STPG2: variants seen among roughly 807,000 people sequenced by gnomAD.
STPG2 encodes the protein sperm tail PG-rich repeat containing 2.
In STPG2, 56 loss-of-function variants were observed where a neutral mutation model predicts 54.2. That is an observed-to-expected ratio of 1.03 (90% CI 0.83 to 1.29). The LOEUF (loss-of-function observed/expected upper bound fraction) is 1.29, where lower values mean the gene tolerates loss of function less well. STPG2 is among the 50% of genes most tolerant of loss of function. The probability of loss-of-function intolerance (pLI) is 0.00; values close to 1 mark genes in which losing one functional copy is unlikely to be tolerated. For synonymous variants in STPG2, 200 were observed against 181.8 expected (o/e 1.10, Z -0.81); for missense variants, 596 against 544.9 (o/e 1.09, Z -0.93).
At chr4:98,087,567 T>C (rs896988146) in intron 5 of STPG2, among the ~76,000 whole-genome samples, 68 of 149,676 alleles carry the variant, frequency 4.5e-4, no homozygotes, top group African/African-American at 1.3e-3. Flanking sequence ...TTTCTTTTTT[T>C]TTTTTTTTTT....
chr4:98,094,410 G>A (rs1248309798), intron 5 of STPG2, among the ~76,000 whole-genome samples: 2 of 152,064 alleles, frequency 1.3e-5, no homozygotes, highest in Non-Finnish European at 1.5e-5. Flanking sequence ...TGGCTTCAGT[G>A]ACAACCCAGC....
intron 9 of STPG2, among the ~76,000 whole-genome samples, chr4:97,739,390 G>A (rs958260405): frequency 1.1e-3 from 172 of 151,736 alleles, no homozygotes; most frequent in Middle Eastern, 3.4e-3. Flanking sequence ...AAATAGAGAC[G>A]CAAAAAACCC....
chr4:97,890,888 T>A (rs1018388355), intron 8 of STPG2, among the ~76,000 whole-genome samples: 1 of 151,890 alleles, frequency 6.6e-6, no homozygotes, highest in African/African-American at 2.4e-5. Context: ...ACAAACTATA[T>A]AAACAAATTA....
chr4:97,886,135 A>C (rs771830551), intron 8 of STPG2, among the ~76,000 whole-genome samples: 1 of 152,210 alleles, frequency 6.6e-6, no homozygotes, highest in Non-Finnish European at 1.5e-5. Context: ...AAAAAAATTT[A>C]TAGCTACATA....
intron 9 of STPG2, among the ~76,000 whole-genome samples, chr4:97,738,148 G>C (rs1359229912): frequency 6.6e-6 from 1 of 152,114 alleles, no homozygotes. Context: ...ATACTTTACA[G>C]ACAAGGAAAT....
intron 5 of STPG2, among the ~76,000 whole-genome samples, chr4:98,034,646 T>C (rs1307792058): frequency 6.6e-6 from 1 of 151,940 alleles, no homozygotes; most frequent in Non-Finnish European, 1.5e-5. Flanking sequence ...GACAAGACAA[T>C]CCTAAGCAAA....
At chr4:97,568,039 A>G (rs905726574) in intron 10 of STPG2, among the ~76,000 whole-genome samples, 1 of 152,156 alleles carries the variant, frequency 6.6e-6, no homozygotes, top group East Asian at 1.9e-4. Context: ...TGTTTTTCAT[A>G]TTAGAAACAT....
At chr4:97,734,731 A>G (rs1312694726) in intron 9 of STPG2, among the ~76,000 whole-genome samples, 2 of 152,180 alleles carry the variant, frequency 1.3e-5, no homozygotes, top group African/African-American at 4.8e-5. Flanking sequence ...CACCAAAAGA[A>G]GAGGCAGTAA....
At chr4:97,567,612 G>T (rs114130526) in intron 10 of STPG2, among the ~76,000 whole-genome samples, 2,605 of 151,848 alleles carry the variant, frequency 0.017, 68 homozygotes, top group African/African-American at 0.058. Flanking sequence ...TAGGAAATTG[G>T]TTAAATAAAC....
intron 10 of STPG2, among the ~76,000 whole-genome samples, chr4:97,624,924 T>C (rs1226190905): frequency 1.3e-5 from 2 of 152,148 alleles, no homozygotes; most frequent in Non-Finnish European, 2.9e-5. Context: ...AAAGATCAGA[T>C]AATTAAGGTT....
intron 9 of STPG2, among the ~76,000 whole-genome samples, chr4:97,771,832 G>C (rs575423844): frequency 1.3e-5 from 2 of 152,362 alleles, no homozygotes; most frequent in South Asian, 2.1e-4. Context: ...CTGGGATATG[G>C]ATGTGCAAAG....
intron 4 of STPG2, among the ~76,000 whole-genome samples, chr4:97,478,641 GTTTAGT>G (rs1485057381): frequency 6.6e-6 from 1 of 151,744 alleles, no homozygotes; most frequent in Non-Finnish European, 1.5e-5. Context: ...TTTAGTTATA[GTTTAGT>G]TTTAATGAAA....
chr4:97,898,511 T>C (rs897091085), intron 8 of STPG2, among the ~76,000 whole-genome samples: 1 of 151,696 alleles, frequency 6.6e-6, no homozygotes, highest in Non-Finnish European at 1.5e-5. Flanking sequence ...TGTATAAATG[T>C]CAAAGGTATG....
At chr4:97,719,912 TAA>T (rs1724397957) in intron 9 of STPG2, among the ~76,000 whole-genome samples, 1 of 152,010 alleles carries the variant, frequency 6.6e-6, no homozygotes, top group Admixed American at 6.6e-5. Context: ...TAAATATTTG[TAA>T]ACATGTTAGA....
chr4:97,717,065 T>C (rs1441510377), intron 9 of STPG2, among the ~76,000 whole-genome samples: 3 of 152,086 alleles, frequency 2.0e-5, no homozygotes, highest in African/African-American at 7.2e-5. Flanking sequence ...TCATCATCAA[T>C]GCCAGAGACA....
rs954013893 is a variant in STPG2 at position 97,603,424 on chromosome 4, A to C, written c.1321-44307T>G. Among the ~76,000 whole-genome samples the C allele has an allele frequency of 4.0e-5, 6 of 151,742 alleles. 1 individual carries two copies. Among genetic ancestry groups the C allele is most frequent in the Admixed American group, 6.6e-5 (1 of 15,200 alleles). The stretch of plus-strand genomic sequence containing the variant: ...TATGGCTGTTACTTAAAAAATTAAA[A>C]ATAGAATTACCATAAGATCAAGCAA... On this transcript the variant is annotated intron_variant, in intron 10 of 10. Coordinates refer to ENST00000295268, the MANE Select transcript of STPG2 (RefSeq NM_174952.3).
chr4:97,815,964 G>T (rs541358815), intron 9 of STPG2, among the ~76,000 whole-genome samples: 29 of 152,130 alleles, frequency 1.9e-4, no homozygotes, highest in African/African-American at 6.5e-4. Context: ...ATGTGCCATG[G>T]TGGTTTGTTG....
intron 8 of STPG2, among the ~76,000 whole-genome samples, chr4:97,869,312 G>GA (rs1397864954): frequency 1.3e-5 from 2 of 151,376 alleles, no homozygotes; most frequent in African/African-American, 4.8e-5. Context: ...ATTTATTAAT[G>GA]AAAAAACTAA....
At chr4:98,108,928 T>C (rs1444089607) in intron 4 of STPG2, among the ~76,000 whole-genome samples, 2 of 152,072 alleles carry the variant, frequency 1.3e-5, no homozygotes, top group Admixed American at 6.6e-5. Context: ...ATACCTAATA[T>C]AGATGATGGG....
Sources: gnomAD v4.1 joint callset for allele counts (sites outside exome capture counted in the v4.1 genomes callset) on GRCh38, gnomAD v4.1.1 for gene constraint, MANE v1.5 for transcripts, NCBI Gene and HGNC (gene_info 2026-07-23, HGNC 2026-07-21) for gene names.